The following PKHD1 variants were observed in gnomAD, a reference collection of about 807,000 sequenced individuals.
PKHD1 encodes the protein PKHD1 ciliary IPT domain containing fibrocystin/polyductin.
PKHD1 carries 291 observed loss-of-function variants against 412.0 expected under a neutral mutation model. That is an observed-to-expected ratio of 0.71 (90% confidence interval 0.64 to 0.78). The LOEUF (loss-of-function observed/expected upper bound fraction) is 0.78. Ranked by LOEUF, PKHD1 falls within the 30% of genes least tolerant of loss-of-function variation. PKHD1 has a pLI of 0.00. For synonymous variants in PKHD1, 1,777 were observed against 1,821.5 expected, an observed-to-expected ratio of 0.98 and a Z score of 0.62; for missense variants, 4,825 against 4,950.7, an observed-to-expected ratio of 0.97 and a Z score of 0.76.
intron 50 of PKHD1, among the ~76,000 whole-genome samples, chr6:51,845,614 G>A (rs1423985931): frequency 2.6e-5 from 4 of 152,144 alleles, no homozygotes; most frequent in African/African-American, 4.8e-5. Flanking sequence ...TAATAGAAGT[G>A]TTTTATACTA....
In PKHD1 at chr6:51,963,770, T is replaced by C. The variant is rs114342071; in HGVS notation, c.5752-3744A>G. On this transcript the variant is annotated intron_variant, in intron 35 of 66. Coordinates refer to ENST00000371117, the MANE Select transcript of PKHD1 (RefSeq NM_138694.4). ...GCATTGATTAAAGATTTTGTGAATATATTTGAGAATGTCTCTGTTGATACC... is the reference window on the plus strand; with the variant it reads ...GCATTGATTAAAGATTTTGTGAATACATTTGAGAATGTCTCTGTTGATACC... Among the ~76,000 whole-genome samples the C allele has an allele frequency of 3.4e-3, 523 of 152,230 alleles. 1 individual carries two copies. The highest frequency in any genetic ancestry group is 0.012 in the African/African-American group (502 of 41,546).
intron 60 of PKHD1, among the ~76,000 whole-genome samples, chr6:51,692,233 T>G (rs965155022): frequency 2.0e-5 from 3 of 149,518 alleles, no homozygotes; most frequent in African/African-American, 7.4e-5. Flanking sequence ...TCTGGAAAGT[T>G]TAAGAATTCT....
chr6:51,709,294 A>G (rs1259438124), intron 60 of PKHD1, among the ~76,000 whole-genome samples: 1 of 152,360 alleles, frequency 6.6e-6, no homozygotes, highest in East Asian at 1.9e-4. Flanking sequence ...AACAAATGAC[A>G]GCTTCCATAT....
In PKHD1 at chr6:51,934,318, G is replaced by T; in HGVS notation, c.5913C>A (p.Gly1971=). The T allele has an allele frequency of 6.2e-7, 1 of 1,609,382 alleles. No homozygotes were observed. Among genetic ancestry groups the T allele is most frequent in the Non-Finnish European group, 8.5e-7 (1 of 1,177,180 alleles). Residue 1971 remains glycine, a synonymous_variant, in exon 37 of 67, where the codon GGC becomes GGA. Transcript: ENST00000371117. The part of the protein sequence containing the change: ...SILNLLHIKG[G]KLIFMAPGPI... The stretch of plus-strand genomic sequence containing the variant: ...GTCCTGGGGCCATGAAAATCAGCTT[G>T]CCCCCTAATGGACAAAGGGAAAATT...
chr6:51,667,078 T>C (rs972490468), intron 60 of PKHD1, among the ~76,000 whole-genome samples: 3 of 148,572 alleles, frequency 2.0e-5, no homozygotes, highest in African/African-American at 7.5e-5. Flanking sequence ...GATGGCTGGG[T>C]CAAATGGTAT....
chr6:51,649,948 A>G (rs1770671070), intron 61 of PKHD1, among the ~76,000 whole-genome samples: 1 of 152,206 alleles, frequency 6.6e-6, no homozygotes, highest in Non-Finnish European at 1.5e-5. Flanking sequence ...GTTCCATGAT[A>G]AAGTGTTCAT....
intron 50 of PKHD1, among the ~76,000 whole-genome samples, chr6:51,842,812 C>T (rs1314659465): frequency 6.6e-6 from 1 of 152,168 alleles, no homozygotes; most frequent in Non-Finnish European, 1.5e-5. Context: ...AGTGCTGACA[C>T]AGGAGTGTGC....
chr6:51,893,396 C>G (rs1779402889), intron 43 of PKHD1, among the ~76,000 whole-genome samples: 1 of 152,186 alleles, frequency 6.6e-6, no homozygotes. Flanking sequence ...CATATAAACA[C>G]TTTCCAAGCG....
intron 55 of PKHD1, among the ~76,000 whole-genome samples, chr6:51,758,052 G>GAGAGAGAGAGAGAGAGAGAA (rs1787355253): frequency 7.2e-6 from 1 of 138,390 alleles, no homozygotes; most frequent in Non-Finnish European, 1.6e-5. Context: ...GAGAGAGAGA[G>GAGAGAGAGAGAGAGAGAGAA]AAAACAAAGC....
chr6:52,040,962 T>G (rs1245419082), intron 27 of PKHD1, among the ~76,000 whole-genome samples: 1 of 152,252 alleles, frequency 6.6e-6, no homozygotes, highest in Non-Finnish European at 1.5e-5. Flanking sequence ...TCATTATGAT[T>G]ATTGTTGATG....
At chr6:51,926,503 C>A (rs567282512) in intron 37 of PKHD1, among the ~76,000 whole-genome samples, 23 of 152,226 alleles carry the variant, frequency 1.5e-4, no homozygotes, top group Non-Finnish European at 1.2e-4. Context: ...ACTTGAAGTA[C>A]CTTACAATGT....
intron 53 of PKHD1, among the ~76,000 whole-genome samples, chr6:51,777,770 G>C (rs1562289662): frequency 6.8e-6 from 1 of 147,734 alleles, no homozygotes; most frequent in Non-Finnish European, 1.5e-5. Flanking sequence ...TTTTGCCCTA[G>C]AGAAATGTAT....
intron 52 of PKHD1, among the ~76,000 whole-genome samples, chr6:51,813,221 A>G (rs1016343671): frequency 2.6e-5 from 4 of 152,186 alleles, no homozygotes; most frequent in African/African-American, 4.8e-5. Flanking sequence ...CTTTTTATTA[A>G]CAGAACTGCT....
intron 61 of PKHD1, among the ~76,000 whole-genome samples, chr6:51,652,371 C>T (rs185950247): frequency 6.6e-6 from 1 of 152,212 alleles, no homozygotes; most frequent in East Asian, 1.9e-4. Context: ...ACTCAGAAAG[C>T]AAGTAAGTTT....
intron 60 of PKHD1, among the ~76,000 whole-genome samples, chr6:51,708,205 C>A (rs1046852839): frequency 6.6e-6 from 1 of 152,160 alleles, no homozygotes; most frequent in Non-Finnish European, 1.5e-5. Flanking sequence ...TAAGGAGCAA[C>A]CTCAAAGTCA....
chr6:51,866,825 T>G (rs1775134813), intron 48 of PKHD1, among the ~76,000 whole-genome samples: 1 of 152,158 alleles, frequency 6.6e-6, no homozygotes, highest in Admixed American at 6.6e-5. Flanking sequence ...AGTCATGCTC[T>G]GCACAATCAA....
At chr6:51,630,275 C>T (rs752750340) in intron 65 of PKHD1, among the ~76,000 whole-genome samples, 49 of 152,264 alleles carry the variant, frequency 3.2e-4, no homozygotes, top group Admixed American at 1.2e-3. Context: ...CCCTTTTCTA[C>T]AATGTATCTG....
intron 27 of PKHD1, among the ~76,000 whole-genome samples, chr6:52,036,480 T>C (rs965501949): frequency 4.6e-5 from 7 of 152,204 alleles, no homozygotes; most frequent in African/African-American, 1.7e-4. Flanking sequence ...ATGATTCTGG[T>C]CTGCCATCTC....
intron 21 of PKHD1, among the ~76,000 whole-genome samples, chr6:52,052,752 G>A (rs1896983): frequency 0.41 from 62,622 of 151,994 alleles, 14,975 homozygotes; most frequent in Admixed American, 0.57. Flanking sequence ...AATCTTCACC[G>A]TAATCTAATG....
Sources: gnomAD v4.1 joint callset for allele counts (sites outside exome capture counted in the v4.1 genomes callset) on GRCh38, gnomAD v4.1.1 for gene constraint, MANE v1.5 for transcripts, NCBI Gene and HGNC (gene_info 2026-07-23, HGNC 2026-07-21) for gene names.